Variants in FAM114A1 observed in about 807,000 individuals in gnomAD.
FAM114A1 encodes the protein family with sequence similarity 114 member A1.
FAM114A1 carries 62 observed loss-of-function variants against 64.3 expected under a neutral mutation model. The observed-to-expected ratio is 0.96, with a 90% CI of 0.79 to 1.19. FAM114A1 has a LOEUF of 1.19. FAM114A1 is among the 50% of genes most tolerant of loss of function. FAM114A1 has a pLI of 0.00. For synonymous variants in FAM114A1, 254 were observed against 251.1 expected (o/e 1.01, Z -0.11); for missense variants, 645 against 676.3 (o/e 0.95, Z 0.51).
At chr4:38,877,281 A>G (rs1158467485) in intron 2 of FAM114A1, among the ~76,000 whole-genome samples, 1 of 152,198 alleles carries the variant, frequency 6.6e-6, no homozygotes, top group Non-Finnish European at 1.5e-5. Flanking sequence ...TTATAATGAA[A>G]TAATTATACA....
intron 3 of FAM114A1, 66 bp downstream of exon 3, chr4:38,878,492 A>G (rs1714898378): frequency 7.1e-7 from 1 of 1,403,788 alleles, no homozygotes; most frequent in East Asian, 2.3e-5. Context: ...GTGCAGAGCT[A>G]GCACCAAGCT....
chr4:38,891,930 C>T lies in FAM114A1; in HGVS notation c.436+100C>T, dbSNP rs1011623253. ...ATACTAATAGAGTTTAACATTAGCC[C>T]GTGAGCAAACCATGTTTAGTGCTTA... On this transcript the variant is annotated intron_variant, in intron 4 of 14. Transcript: ENST00000358869. The T allele has an allele frequency of 9.8e-6, 10 of 1,019,044 alleles. No individual in the cohort carries two copies. In the Admixed American group the frequency reaches 1.2e-4, roughly 12 times the overall value. 63.1% of individuals were successfully genotyped at this position (1,019,044 alleles called of 1,614,324 possible).
chr4:38,906,664 A>T (rs2109680772), intron 6 of FAM114A1, among the ~76,000 whole-genome samples: 1 of 152,172 alleles, frequency 6.6e-6, no homozygotes, highest in African/African-American at 2.4e-5. Context: ...CCTCCCAAGT[A>T]GCTGGGATTA....
chr4:38,878,634 G>A (rs1714914197), intron 3 of FAM114A1, among the ~76,000 whole-genome samples: 1 of 152,164 alleles, frequency 6.6e-6, no homozygotes, highest in Non-Finnish European at 1.5e-5. Flanking sequence ...ATTATTAACA[G>A]TAACAGCCAC....
rs76877552 is a variant in FAM114A1, at chr4:38,900,011, C to T, written c.437-5511C>T. Among the ~76,000 whole-genome samples the T allele has an allele frequency of 8.6e-3, 1,301 of 152,110 alleles. 27 individuals are homozygous for T. Among genetic ancestry groups the T allele is most frequent in the African/African-American group, 0.03 (1,234 of 41,488 alleles). On this transcript the variant is annotated intron_variant, in intron 4 of 14. Coordinates refer to ENST00000358869, the MANE Select transcript of FAM114A1 (RefSeq NM_138389.4). Reference sequence around the variant, plus strand: ...CTATCTAAGCAGAAAGAGGCTGGCCCACCTTCTGTTATCTATGTTTCTATA... The same window carrying T: ...CTATCTAAGCAGAAAGAGGCTGGCCTACCTTCTGTTATCTATGTTTCTATA...
intron 4 of FAM114A1, among the ~76,000 whole-genome samples, chr4:38,904,406 G>A (rs1044233675): frequency 3.9e-5 from 6 of 152,194 alleles, no homozygotes; most frequent in African/African-American, 7.2e-5. Flanking sequence ...GTCAAAGGTT[G>A]GGGTTTTTCC....
At chr4:38,907,072 C>T (rs1718079617) in intron 6 of FAM114A1, among the ~76,000 whole-genome samples, 1 of 152,134 alleles carries the variant, frequency 6.6e-6, no homozygotes. Flanking sequence ...GGGCTGCGGT[C>T]AAACATGAGA....
At chr4:38,905,986 G>GTTT (rs372618216) in intron 6 of FAM114A1, 125 bp downstream of exon 6, 19 of 652,640 alleles carry the variant, frequency 2.9e-5, no homozygotes, top group Non-Finnish European at 4.2e-5. Flanking sequence ...TTGGATTATG[G>GTTT]TTTTTTTTTT....
chr4:38,942,548 G>A (rs555492511), intron 14 of FAM114A1, among the ~76,000 whole-genome samples: 21 of 152,134 alleles, frequency 1.4e-4, no homozygotes, highest in Non-Finnish European at 2.6e-4. Context: ...TGTTTTTTCC[G>A]TTTCCCCAAT....
rs1429289938 is a variant in FAM114A1, at chr4:38,869,718, TG to T, written c.-9+1173del. Among the ~76,000 whole-genome samples, 16 of 151,764 alleles carry T rather than the reference TG, an allele frequency of 1.1e-4. 2 individuals are homozygous for T. The highest frequency in any genetic ancestry group is 1.0e-3 in the Admixed American group (16 of 15,242). On this transcript the variant is annotated intron_variant, in intron 2 of 14. Transcript: ENST00000358869. ...GTCCTTCGCTGACTGGCACTGTTTT[TG>T]TTTTTTTTTTTTAACTGGGGGAGAT...
intron 3 of FAM114A1, among the ~76,000 whole-genome samples, chr4:38,886,656 A>G (rs536059357): frequency 6.6e-6 from 1 of 151,876 alleles, no homozygotes; most frequent in African/African-American, 2.4e-5. Context: ...GGCCGGGCAC[A>G]GTGGCTCACA....
intron 13 of FAM114A1, among the ~76,000 whole-genome samples, chr4:38,936,249 C>T (rs369894074): frequency 3.3e-5 from 5 of 151,800 alleles, no homozygotes; most frequent in Non-Finnish European, 2.9e-5. Flanking sequence ...CCCGCCACCA[C>T]ACCCGGCTAA....
intron 4 of FAM114A1, among the ~76,000 whole-genome samples, chr4:38,902,084 A>G (rs1027667569): frequency 2.0e-5 from 3 of 152,258 alleles, no homozygotes. Context: ...TTAACATAAC[A>G]TAGTGATTAC....
Position 38,943,775 on chromosome 4 carries a change from G to T in FAM114A1, c.*218G>T. 5.0e-6 allele frequency: 2 copies of T among 398,072 alleles called. No homozygotes were observed. Among genetic ancestry groups the T allele is most frequent in the South Asian group, 4.7e-5 (1 of 21,372 alleles). 24.7% of individuals were successfully genotyped at this position (398,072 alleles called of 1,614,324 possible). A position where few individuals can be genotyped will look rare whatever the true frequency, so the allele number is the denominator to read the frequency against. ...TTACAAACAATTGTGTTTTCTTTAT[G>T]TTAATTTAAACTTACACAGCTTATA... On this transcript the variant is annotated 3_prime_UTR_variant, in exon 15 of 15. Coordinates refer to ENST00000358869, the MANE Select transcript of FAM114A1 (RefSeq NM_138389.4).
At chr4:38,869,194 C>T (rs532798869) in intron 2 of FAM114A1, among the ~76,000 whole-genome samples, 1 of 152,306 alleles carries the variant, frequency 6.6e-6, no homozygotes, top group South Asian at 2.1e-4. Context: ...GAAGTAAATA[C>T]TCCATAAATA....
intron 8 of FAM114A1, among the ~76,000 whole-genome samples, chr4:38,918,233 T>TAATA (rs1719263096): frequency 6.6e-6 from 1 of 151,882 alleles, no homozygotes; most frequent in African/African-American, 2.4e-5. Flanking sequence ...TCAAAAAACA[T>TAATA]AATAAATAAA....
At chr4:38,917,149 C>CAAAT (rs55953630) in intron 8 of FAM114A1, among the ~76,000 whole-genome samples, 19,163 of 142,998 alleles carry the variant, frequency 0.13, 1,403 homozygotes, top group Middle Eastern at 0.27. Context: ...ACTAAAAATA[C>CAAAT]AAATAAATAA....
In FAM114A1 at chr4:38,922,828, T is replaced by C. The variant is rs770169361; in HGVS notation, c.1004T>C (p.Leu335Pro). The change falls in exon 9 of 15, where the codon CTA becomes CCA. Residue 335 changes from leucine to proline, a missense_variant. Coordinates refer to ENST00000358869, the MANE Select transcript of FAM114A1 (RefSeq NM_138389.4). ...GEKLELLKND[L>P]ISIKDIFAAK... ...AAGCTGGAACTCTTAAAAAATGACC[T>C]AATTTCCATTAAAGACATCTTTGCA... 3 of 1,613,722 alleles carry C rather than the reference T, an allele frequency of 1.9e-6. No homozygotes were observed. Among genetic ancestry groups the C allele is most frequent in the Non-Finnish European group, 2.5e-6 (3 of 1,179,936 alleles).
chr4:38,940,861 C>A, intron 13 of FAM114A1, 107 bp from the exon 14 acceptor site: 1 of 1,178,084 alleles, frequency 8.5e-7, no homozygotes, highest in Non-Finnish European at 1.3e-6. Flanking sequence ...TTCCCCTCCT[C>A]TTCCTCTGCA....
Sources: gnomAD v4.1 joint callset for allele counts (sites outside exome capture counted in the v4.1 genomes callset) on GRCh38, gnomAD v4.1.1 for gene constraint, MANE v1.5 for transcripts, NCBI Gene and HGNC (gene_info 2026-07-23, HGNC 2026-07-21) for gene names.